The following KCNQ5 variants were observed in gnomAD, a reference collection of about 807,000 sequenced individuals.
The protein encoded by KCNQ5 is potassium voltage-gated channel subfamily Q member 5.
KCNQ5 carries 30 observed loss-of-function variants against 98.2 expected under a neutral mutation model. That is an observed-to-expected ratio of 0.31 (90% CI 0.23 to 0.41). KCNQ5 has a LOEUF of 0.41. Ranked by LOEUF, KCNQ5 falls within the 10% of genes least tolerant of loss-of-function variation. The pLI is 1.00. For synonymous variants in KCNQ5, 458 were observed against 449.4 expected (o/e 1.02, Z -0.24); for missense variants, 835 against 1,182.5 (o/e 0.71, Z 4.31).
chr6:72,753,026 TAAG>T (rs1043622052), intron 1 of KCNQ5, among the ~76,000 whole-genome samples: 1 of 152,136 alleles, frequency 6.6e-6, no homozygotes, highest in Non-Finnish European at 1.5e-5. Context: ...TTTTACTTGC[TAAG>T]AAGACCTGTG....
At chr6:72,974,368 A>T (rs1562103380) in intron 1 of KCNQ5, among the ~76,000 whole-genome samples, 1 of 148,496 alleles carries the variant, frequency 6.7e-6, no homozygotes, top group Non-Finnish European at 1.5e-5. Context: ...TCTCCTACAG[A>T]TGGCAATAAC....
intron 1 of KCNQ5, among the ~76,000 whole-genome samples, chr6:72,998,138 G>A (rs1186285533): frequency 2.6e-5 from 4 of 152,182 alleles, no homozygotes; most frequent in Admixed American, 2.6e-4. Context: ...TGCTGATGAA[G>A]TTTTGATTTC....
chr6:72,629,797 C>G (rs1166776250), intron 1 of KCNQ5, among the ~76,000 whole-genome samples: 1 of 152,118 alleles, frequency 6.6e-6, no homozygotes, highest in Admixed American at 6.5e-5. Context: ...TTTCTTCAGC[C>G]ATTTATGAGT....
At chr6:72,777,543 T>C (rs886456217) in intron 1 of KCNQ5, among the ~76,000 whole-genome samples, 3 of 152,154 alleles carry the variant, frequency 2.0e-5, no homozygotes, top group Non-Finnish European at 4.4e-5. Flanking sequence ...TACACATTTT[T>C]CCACCTCCAC....
chr6:72,778,540 G>GAAA (rs58093028), intron 1 of KCNQ5, among the ~76,000 whole-genome samples: 5 of 140,768 alleles, frequency 3.6e-5, no homozygotes, highest in South Asian at 2.2e-4. Flanking sequence ...CCCTGTCACA[G>GAAA]AAAAAAAAAA....
intron 11 of KCNQ5, among the ~76,000 whole-genome samples, chr6:73,180,891 G>A (rs776337986): frequency 2.6e-5 from 4 of 152,120 alleles, no homozygotes; most frequent in Non-Finnish European, 2.9e-5. Flanking sequence ...GGCTGGGTCC[G>A]TCCATCTGTT....
intron 1 of KCNQ5, among the ~76,000 whole-genome samples, chr6:72,635,582 C>T (rs1005382239): frequency 1.3e-5 from 2 of 151,652 alleles, no homozygotes; most frequent in Non-Finnish European, 2.9e-5. Flanking sequence ...TCTCTCTCCC[C>T]TTCCACATTT....
chr6:73,185,902 A>G (rs961201647), intron 11 of KCNQ5, among the ~76,000 whole-genome samples: 6 of 152,228 alleles, frequency 3.9e-5, no homozygotes, highest in Non-Finnish European at 7.3e-5. Flanking sequence ...TGACAGGGTC[A>G]TCATTCTTTA....
intron 1 of KCNQ5, among the ~76,000 whole-genome samples, chr6:72,869,100 C>G (rs960779164): frequency 6.6e-6 from 1 of 151,994 alleles, no homozygotes; most frequent in Non-Finnish European, 1.5e-5. Flanking sequence ...CTGTACCCCA[C>G]AAATATATAC....
At chr6:73,157,425 G>T (rs1228489447) in intron 10 of KCNQ5, 2 of 642,462 alleles carry the variant, frequency 3.1e-6, no homozygotes, top group Non-Finnish European at 5.7e-6. Context: ...TGCACAGGCC[G>T]CCCGGGGGCG....
At chr6:73,067,880 AT>A (rs70994158) in intron 3 of KCNQ5, among the ~76,000 whole-genome samples, 111,320 of 133,042 alleles carry the variant, frequency 0.84, 45,029 homozygotes, top group Non-Finnish European at 0.92. Context: ...ATATATATAT[AT>A]ATATATATAT....
intron 2 of KCNQ5, among the ~76,000 whole-genome samples, chr6:73,018,415 AC>A (rs1390143712): frequency 6.6e-6 from 1 of 151,694 alleles, no homozygotes; most frequent in Non-Finnish European, 1.5e-5. Context: ...AGCTATGGAG[AC>A]CTCTAGGATA....
At chr6:72,677,617 G>A (rs1417449977) in intron 1 of KCNQ5, among the ~76,000 whole-genome samples, 1 of 152,130 alleles carries the variant, frequency 6.6e-6, no homozygotes, top group African/African-American at 2.4e-5. Flanking sequence ...ATATGCCTCA[G>A]AATAAGGTTT....
intron 1 of KCNQ5, among the ~76,000 whole-genome samples, chr6:72,684,327 C>A (rs1767848255): frequency 6.6e-6 from 1 of 152,164 alleles, no homozygotes; most frequent in South Asian, 2.1e-4. Context: ...TAGCTGCTTG[C>A]CAATTTTAAG....
At chr6:72,861,389 G>A (rs574961050) in intron 1 of KCNQ5, among the ~76,000 whole-genome samples, 3 of 152,284 alleles carry the variant, frequency 2.0e-5, no homozygotes, top group African/African-American at 7.2e-5. Context: ...CCAGTGTGGT[G>A]TGTATGGAAT....
rs138036351 is a variant in KCNQ5 at position 73,018,044 on chromosome 6, G to A, written c.489+14046G>A. On this transcript the variant is annotated intron_variant, in intron 2 of 13. Coordinates refer to ENST00000370398, the MANE Select transcript of KCNQ5 (RefSeq NM_019842.4). ...AAATCAAGTATGAATAACATCAAAT[G>A]CAACCTCAAAAGAAAGAGAAATCCC... Among the ~76,000 whole-genome samples the A allele has an allele frequency of 3.9e-5, 6 of 152,166 alleles. No homozygotes were observed. In the East Asian group the frequency reaches 5.8e-4, roughly 15 times the overall value.
chr6:73,122,076 T>A (rs1049611144), intron 8 of KCNQ5, among the ~76,000 whole-genome samples: 12 of 152,196 alleles, frequency 7.9e-5, no homozygotes, highest in African/African-American at 2.2e-4. Context: ...TTATGGAGTT[T>A]AAGACCCTTT....
intron 5 of KCNQ5, among the ~76,000 whole-genome samples, chr6:73,100,619 A>AGAT (rs1774732135): frequency 6.6e-6 from 1 of 151,970 alleles, no homozygotes; most frequent in African/African-American, 2.4e-5. Context: ...CAGTGAGCCC[A>AGAT]GATCACACCA....
rs1230113811 is a variant in KCNQ5 at position 72,980,598 on chromosome 6, A to G, written c.399-23310A>G. Among the ~76,000 whole-genome samples, 4 of 152,142 alleles carry G rather than the reference A, an allele frequency of 2.6e-5. No individual in the cohort carries two copies. The East Asian group carries it at 5.8e-4, about 22-fold the overall frequency. ...GCTGAGAGGGTAGGGTTTTCTAAAT[A>G]TACAATCATGTCATCTACAAACAGC... On this transcript the variant is annotated intron_variant, in intron 1 of 13. Coordinates refer to ENST00000370398, the MANE Select transcript of KCNQ5 (RefSeq NM_019842.4).
Sources: gnomAD v4.1 joint callset for allele counts (sites outside exome capture counted in the v4.1 genomes callset) on GRCh38, gnomAD v4.1.1 for gene constraint, MANE v1.5 for transcripts, NCBI Gene and HGNC (gene_info 2026-07-23, HGNC 2026-07-21) for gene names.